The following CCDC81 variants were observed in gnomAD, a reference collection of about 807,000 sequenced individuals.
CCDC81 encodes coiled-coil domain containing 81.
Under a neutral mutation model 83.7 loss-of-function variants are expected in CCDC81, and 79 were observed. The ratio of observed to expected loss-of-function variants is 0.94; its 90% CI spans 0.79 to 1.14. CCDC81 has a LOEUF of 1.14. Ranked by LOEUF, CCDC81 falls within the 50% of genes most tolerant of loss-of-function variation. The probability of loss-of-function intolerance (pLI) is 0.00; values close to 1 mark genes in which losing one functional copy is unlikely to be tolerated. For synonymous variants in CCDC81, 252 were observed against 278.1 expected (o/e 0.91, Z 0.93); for missense variants, 791 against 778.1 (o/e 1.02, Z -0.20).
intron 7 of CCDC81, among the ~76,000 whole-genome samples, chr11:86,401,650 CAG>C (rs1948488834): frequency 6.6e-6 from 1 of 151,896 alleles, no homozygotes; most frequent in South Asian, 2.1e-4. Context: ...ACTGAAGATT[CAG>C]AGTTACAGAT....
intron 1 of CCDC81, among the ~76,000 whole-genome samples, chr11:86,377,771 A>G (rs551224609): frequency 6.6e-6 from 1 of 152,158 alleles, no homozygotes; most frequent in Non-Finnish European, 1.5e-5. Context: ...TTTAAATTTT[A>G]ATGAAGTCCA....
chr11:86,402,089 A>T (rs10898481), intron 7 of CCDC81, among the ~76,000 whole-genome samples: 114,436 of 146,318 alleles, frequency 0.78, 44,806 homozygotes, highest in South Asian at 0.86. Flanking sequence ...GAGCCAAGAT[A>T]GTGCCACTGC....
At chr11:86,388,694 T>C (rs1444993987) in intron 3 of CCDC81, among the ~76,000 whole-genome samples, 1 of 152,224 alleles carries the variant, frequency 6.6e-6, no homozygotes, top group African/African-American at 2.4e-5. Context: ...CAGCTATTTT[T>C]ACCTAGAATT....
chr11:86,394,334 T>A (rs1182142578), intron 4 of CCDC81, among the ~76,000 whole-genome samples: 2 of 152,072 alleles, frequency 1.3e-5, no homozygotes, highest in African/African-American at 4.8e-5. Flanking sequence ...GGTTTGGAGG[T>A]CAAAGCTGAC....
At chr11:86,406,196 C>T (rs1349860204) in intron 7 of CCDC81, among the ~76,000 whole-genome samples, 1 of 152,162 alleles carries the variant, frequency 6.6e-6, no homozygotes, top group Non-Finnish European at 1.5e-5. Flanking sequence ...TGTTGTCGCT[C>T]TTGAGTGCTG....
chr11:86,391,458 A>G (rs1312133847), intron 3 of CCDC81, among the ~76,000 whole-genome samples: 4 of 151,928 alleles, frequency 2.6e-5, no homozygotes, highest in Admixed American at 6.6e-5. Context: ...CCTCTTTGCT[A>G]TTTACCCTTT....
chr11:86,395,499 T>C, intron 5 of CCDC81, 86 bp downstream of exon 5: 1 of 1,010,446 alleles, frequency 9.9e-7, no homozygotes, highest in Non-Finnish European at 1.5e-6. Flanking sequence ...TCTCAATGTT[T>C]TGTAGCTCAT....
intron 7 of CCDC81, among the ~76,000 whole-genome samples, chr11:86,405,753 A>G (rs1948556683): frequency 6.8e-6 from 1 of 146,840 alleles, no homozygotes. Context: ...TGTTTTACCA[A>G]TTTCTTTGGT....
intron 1 of CCDC81, among the ~76,000 whole-genome samples, chr11:86,381,562 C>T (rs974043615): frequency 1.3e-5 from 2 of 152,118 alleles, no homozygotes; most frequent in Admixed American, 1.3e-4. Context: ...TTTTCTTACC[C>T]AGCATTGGTT....
At chr11:86,401,320 G>A (rs1444882546) in intron 7 of CCDC81, among the ~76,000 whole-genome samples, 2 of 152,068 alleles carry the variant, frequency 1.3e-5, no homozygotes, top group Non-Finnish European at 2.9e-5. Context: ...CCTTCTCTCT[G>A]AGTAGGATAC....
At chr11:86,398,427 C>T (rs1565763536) in intron 6 of CCDC81, among the ~76,000 whole-genome samples, 1 of 151,922 alleles carries the variant, frequency 6.6e-6, no homozygotes, top group Non-Finnish European at 1.5e-5. Context: ...ACTTTGATGT[C>T]TGTAGAAGAA....
intron 1 of CCDC81, among the ~76,000 whole-genome samples, chr11:86,383,794 G>A (rs189993680): frequency 2.0e-5 from 3 of 152,132 alleles, no homozygotes; most frequent in South Asian, 4.1e-4. Flanking sequence ...AATCTATTCC[G>A]ATTGGATTGC....
At chr11:86,411,857 T>C (rs2138535257) in intron 10 of CCDC81, among the ~76,000 whole-genome samples, 1 of 152,302 alleles carries the variant, frequency 6.6e-6, no homozygotes, top group Admixed American at 6.5e-5. Context: ...TCTGAGTTTC[T>C]TCCTCAGAAA....
At chr11:86,410,484 C>A (rs2138533507) in intron 10 of CCDC81, among the ~76,000 whole-genome samples, 1 of 152,250 alleles carries the variant, frequency 6.6e-6, no homozygotes, top group Non-Finnish European at 1.5e-5. Flanking sequence ...GACCAGAGAT[C>A]TGGAAAGACT....
At position 86,397,689 on chromosome 11, in the gene CCDC81, G is replaced by C. The variant is rs1226910539; in HGVS notation, c.704G>C (p.Arg235Thr). 4 of 1,613,876 alleles carry C rather than the reference G, an allele frequency of 2.5e-6. No individual in the cohort carries two copies. In the South Asian group the frequency reaches 4.4e-5, roughly 18 times the overall value. ...ETLVEECGEN[R>T]ERKCKLKDQS... ...CTTGTAGAAGAATGTGGAGAGAATA[G>C]AGAAAGGAAGTGCAAGTTAAAAGAC... is the stretch of plus-strand genomic sequence containing the variant. The change falls in exon 6 of 15, where the codon AGA becomes ACA. Residue 235 changes from arginine to threonine, a missense_variant. By Grantham distance (71) the Arg-to-Thr change is moderately conservative (BLOSUM62 -1). Transcript: ENST00000445632.
chr11:86,400,548 T>G (rs1948471711), intron 6 of CCDC81, 130 bp from the exon 7 acceptor site: 2 of 932,074 alleles, frequency 2.1e-6, no homozygotes, highest in East Asian at 5.1e-5. Context: ...TATACCACAA[T>G]AGAACAAGGG....
intron 3 of CCDC81, 122 bp downstream of exon 3, chr11:86,387,794 CA>C (rs1183657565): frequency 9.8e-6 from 7 of 716,160 alleles, no homozygotes; most frequent in Non-Finnish European, 1.6e-5. Context: ...TCACTTTTCA[CA>C]AGGTGCTTTT....
intron 2 of CCDC81, among the ~76,000 whole-genome samples, chr11:86,386,743 A>G (rs369629284): frequency 1.1e-4 from 17 of 152,316 alleles, no homozygotes; most frequent in African/African-American, 4.1e-4. Flanking sequence ...TGTTATCAGC[A>G]CTTAAACTTG....
intron 2 of CCDC81, 59 bp from the exon 3 acceptor site, chr11:86,387,457 G>A: frequency 3.3e-6 from 5 of 1,515,964 alleles, no homozygotes; most frequent in Non-Finnish European, 2.7e-6. Context: ...ATAATATTAA[G>A]GATTATTTTT....
Sources: gnomAD v4.1 joint callset for allele counts (sites outside exome capture counted in the v4.1 genomes callset) on GRCh38, gnomAD v4.1.1 for gene constraint, MANE v1.5 for transcripts, NCBI Gene and HGNC (gene_info 2026-07-23, HGNC 2026-07-21) for gene names.